The following DICER1 variants were observed in gnomAD, a reference collection of about 807,000 sequenced individuals.
DICER1 encodes endoribonuclease Dicer.
Under a neutral mutation model 194.1 loss-of-function variants are expected in DICER1, and 43 were observed. The observed-to-expected ratio is 0.22, with a 90% CI of 0.17 to 0.29. The LOEUF (loss-of-function observed/expected upper bound fraction) is 0.29, where lower values mean the gene tolerates loss of function less well. DICER1 is among the 10% of genes least tolerant of loss of function. The pLI is 1.00. For synonymous variants in DICER1, 832 were observed against 820.5 expected, an observed-to-expected ratio of 1.01 and a Z score of -0.24; for missense variants, 1,608 against 2,317.0, an observed-to-expected ratio of 0.69 and a Z score of 6.28.
chr14:95,145,209 T>G (rs1470326956), intron 1 of DICER1, among the ~76,000 whole-genome samples: 1 of 152,212 alleles, frequency 6.6e-6, no homozygotes, highest in East Asian at 1.9e-4. Flanking sequence ...TGTCTTTTGT[T>G]AGTTTAATTC....
intron 1 of DICER1, among the ~76,000 whole-genome samples, chr14:95,154,882 C>A (rs115226302): frequency 0.034 from 4,798 of 141,718 alleles, 286 homozygotes; most frequent in African/African-American, 0.12. Flanking sequence ...AAAAAAAAAA[C>A]AACTATCTGA....
chr14:95,135,122 G>A (rs925703171), intron 1 of DICER1, among the ~76,000 whole-genome samples: 1 of 152,172 alleles, frequency 6.6e-6, no homozygotes, highest in African/African-American at 2.4e-5. Context: ...AAGGCCCAAG[G>A]CTAAGATCTG....
At chr14:95,130,299 T>G in intron 4 of DICER1, 107 bp from the exon 5 acceptor site, 1 of 1,094,508 alleles carries the variant, frequency 9.1e-7, no homozygotes, top group South Asian at 1.4e-5. Context: ...GATTAAGGAA[T>G]TCATTAGTCA....
intron 1 of DICER1, among the ~76,000 whole-genome samples, chr14:95,148,737 T>C (rs1242011253): frequency 6.6e-6 from 1 of 152,192 alleles, no homozygotes; most frequent in African/African-American, 2.4e-5. Context: ...TCCGCTTACT[T>C]CTTGGAGTAC....
intron 1 of DICER1, among the ~76,000 whole-genome samples, chr14:95,138,988 A>AAT (rs1215879049): frequency 3.1e-5 from 1 of 31,980 alleles, no homozygotes; most frequent in African/African-American, 2.1e-4. Context: ...AAAATAAATA[A>AAT]AAAAATAAAA....
intron 1 of DICER1, among the ~76,000 whole-genome samples, chr14:95,139,702 T>C (rs1036724618): frequency 6.6e-6 from 1 of 152,224 alleles, no homozygotes; most frequent in African/African-American, 2.4e-5. Context: ...GAATCATGGA[T>C]GGATCAAGAT....
chr14:95,107,060 G>T (rs1485461799), intron 17 of DICER1, among the ~76,000 whole-genome samples: 1 of 152,106 alleles, frequency 6.6e-6, no homozygotes, highest in Admixed American at 6.5e-5. Flanking sequence ...CTGTTGCCCA[G>T]GCTGGAGTGT....
rs528592903 is a variant in DICER1, at chr14:95,124,255, G to C, written c.1317C>G (p.Thr439=). The C allele has an allele frequency of 4.0e-5, 65 of 1,613,704 alleles. No homozygotes were observed. The highest frequency in any genetic ancestry group is 5.3e-5 in the Non-Finnish European group (62 of 1,180,000). Residue 439 remains threonine (T), a synonymous_variant, in exon 8 of 27, where the codon ACC becomes ACG. Coordinates refer to ENST00000343455, the MANE Select transcript of DICER1 (RefSeq NM_177438.3). The surrounding 1 kb of genome is among the most constrained non-coding windows in gnomAD (Gnocchi z 4.5). ...KPETNFPSPF[T]NILCGIIFVE... ...CAAAAATAATTCCGCACAAAATGTT[G>C]GTAAAAGGAGAAGGAAAATTTGTCT...
chr14:95,105,950 G>A lies in DICER1; in HGVS notation c.2987+91C>T, dbSNP rs1304988260. On this transcript the variant is annotated intron_variant, in intron 18 of 26. Coordinates refer to ENST00000343455, the MANE Select transcript of DICER1 (RefSeq NM_177438.3). The surrounding 1 kb of genome is among the most constrained non-coding windows in gnomAD (Gnocchi z 4.9). Reference sequence around the variant, plus strand: ...TCCTGATTTCAGATAGTCCACGGGTGGGCAGGGGGACAGTGAACCTCTGCA... The same window carrying A: ...TCCTGATTTCAGATAGTCCACGGGTAGGCAGGGGGACAGTGAACCTCTGCA... 1.4e-6 allele frequency: 2 copies of A among 1,459,052 alleles called. No homozygotes were observed. The highest frequency in any genetic ancestry group is 4.5e-5 in the East Asian group (2 of 44,214). 90.4% of individuals were successfully genotyped at this position (1,459,052 alleles called of 1,614,324 possible).
chr14:95,156,042 C>T lies in DICER1; in HGVS notation c.-46+1188G>A, dbSNP rs529880216. On this transcript the variant is annotated intron_variant, in intron 1 of 26. Coordinates refer to ENST00000343455, the MANE Select transcript of DICER1 (RefSeq NM_177438.3). The stretch of plus-strand genomic sequence containing the variant: ...TCTAGGACCTGGCTTATCCCGAACC[C>T]ATCTTTTAATAAACTGAGTTTTTTG... Among the ~76,000 whole-genome samples the T allele has an allele frequency of 3.3e-5, 5 of 152,252 alleles. No homozygotes were observed. The East Asian group carries it at 5.8e-4, about 18-fold the overall frequency.
At chr14:95,119,822 T>C (rs192713359) in intron 8 of DICER1, among the ~76,000 whole-genome samples, 1 of 152,348 alleles carries the variant, frequency 6.6e-6, no homozygotes, top group Non-Finnish European at 1.5e-5. Flanking sequence ...ATCAATTTTA[T>C]TGTATTCAGC....
At chr14:95,116,372 C>T (rs1319033522) in intron 10 of DICER1, 81 bp downstream of exon 10, 3 of 1,516,590 alleles carry the variant, frequency 2.0e-6, no homozygotes, top group Non-Finnish European at 2.7e-6. Flanking sequence ...TTATCTGTTC[C>T]TATGGATACA....
chr14:95,114,618 A>C (rs1037356146), intron 11 of DICER1, among the ~76,000 whole-genome samples: 1 of 152,206 alleles, frequency 6.6e-6, no homozygotes, highest in Non-Finnish European at 1.5e-5. Flanking sequence ...AACAAATTTT[A>C]TACCGTCTCA....
rs1025246882 is a variant in DICER1 at position 95,105,050 on chromosome 14, T to G, written c.3269+21A>C. ...AGGATCTCATGATCTGTGTTCTTTC[T>G]GGCTGACTGCACAGGCATACCTAAA... On this transcript the variant is annotated intron_variant, in intron 20 of 26. Transcript: ENST00000343455. This position sits in a 1 kb window ranked among gnomAD's most constrained non-coding sequence, Gnocchi z 4.9. The G allele has an allele frequency of 6.2e-7, 1 of 1,611,936 alleles. No homozygotes were observed. The highest frequency in any genetic ancestry group is 1.3e-5 in the African/African-American group (1 of 74,900).
chr14:95,150,192 G>GT (rs1895423128), intron 1 of DICER1, among the ~76,000 whole-genome samples: 1 of 152,164 alleles, frequency 6.6e-6, no homozygotes, highest in South Asian at 2.1e-4. Flanking sequence ...TTTACAAACT[G>GT]TATTTTGTAG....
intron 1 of DICER1, among the ~76,000 whole-genome samples, chr14:95,151,673 C>T (rs1895522743): frequency 6.6e-6 from 1 of 152,154 alleles, no homozygotes; most frequent in Admixed American, 6.5e-5. Context: ...CCCTACAAAG[C>T]TATGATAAAA....
chr14:95,112,342 A>C, intron 12 of DICER1, 95 bp from the exon 13 acceptor site: 1 of 1,022,648 alleles, frequency 9.8e-7, no homozygotes, highest in Non-Finnish European at 1.5e-6. Context: ...CAACATTTTT[A>C]AAGTTCAATT....
intron 8 of DICER1, among the ~76,000 whole-genome samples, chr14:95,123,659 G>A (rs1030623328): frequency 2.6e-5 from 4 of 152,204 alleles, no homozygotes. Context: ...ACCTGCCTCT[G>A]GCTCCCAAAG....
intron 1 of DICER1, among the ~76,000 whole-genome samples, chr14:95,143,911 G>C (rs1248114960): frequency 6.6e-6 from 1 of 152,010 alleles, no homozygotes; most frequent in African/African-American, 2.4e-5. Flanking sequence ...AAATACTGGA[G>C]AAGCCCTAAA....
Sources: gnomAD v4.1 joint callset for allele counts (sites outside exome capture counted in the v4.1 genomes callset) on GRCh38, gnomAD v4.1.1 for gene constraint, Gnocchi (gnomAD v3.1) non-coding constraint, MANE v1.5 for transcripts, NCBI Gene and HGNC (gene_info 2026-07-23, HGNC 2026-07-21) for gene names.